Variants in XIST observed in about 807,000 individuals in gnomAD.
The protein encoded by XIST is X inactive specific transcript (non-protein coding).
exon 1 of XIST, chrX:73,850,578 T>TG: frequency 1.8e-6 from 1 of 543,967 alleles, no homozygotes; most frequent in Non-Finnish European, 3.3e-6. Flanking sequence ...TGGCCAACGA[T>TG]CATCTGTGAT....
At chrX:73,848,410 A>G (rs765069389) in exon 1 of XIST, 3 of 556,646 alleles carry the variant, frequency 5.4e-6, no homozygotes, top group South Asian at 4.5e-5. Flanking sequence ...TTGTGCACAT[A>G]AACTGTCCTA....
At chrX:73,828,768 T>C (rs1922318716) in intron 5 of XIST, 5 of 166,240 alleles carry the variant, frequency 3.0e-5, no homozygotes, top group Non-Finnish European at 5.7e-5. Context: ...GCAGAAATGG[T>C]GTTTTAAGCT....
chrX:73,827,416 A>G, exon 6 of XIST: 1 of 552,967 alleles, frequency 1.8e-6, no homozygotes, highest in Non-Finnish European at 3.3e-6. Flanking sequence ...AAAGGGAAGA[A>G]GCAGAGAACA....
chrX:73,829,374 T>TA (rs1569511810), intron 4 of XIST: 1 of 417,499 alleles, frequency 2.4e-6, no homozygotes, highest in Non-Finnish European at 4.2e-6. Context: ...TTTAGGTCTT[T>TA]AGAGAGAAAA....
exon 1 of XIST, chrX:73,846,041 G>C (rs1336575973): frequency 1.8e-6 from 1 of 555,260 alleles, no homozygotes; most frequent in African/African-American, 2.3e-5. Flanking sequence ...TGTGCACCTT[G>C]ATTGTCCAAA....
intron 2 of XIST, among the ~76,000 whole-genome samples, chrX:73,837,157 G>A (rs1335144376): frequency 9.0e-6 from 1 of 111,499 alleles, no homozygotes; most frequent in Non-Finnish European, 1.9e-5. Flanking sequence ...GAGAAATAAA[G>A]ACTAATTTTA....
At chrX:73,851,583 T>C (rs748086674) in exon 1 of XIST, 2 of 557,281 alleles carry the variant, frequency 3.6e-6, no homozygotes, top group East Asian at 6.5e-5. Flanking sequence ...CCTTAGTCTT[T>C]CCTAACCTTC....
exon 1 of XIST, chrX:73,843,744 C>G: frequency 1.8e-6 from 1 of 557,720 alleles, no homozygotes; most frequent in Non-Finnish European, 3.2e-6. Context: ...GTGGGCACTA[C>G]CTGCTAAAAA....
At chrX:73,847,812 G>C (rs1275037459) in exon 1 of XIST, 1 of 557,210 alleles carries the variant, frequency 1.8e-6, no homozygotes, top group East Asian at 3.3e-5. Context: ...AAAAGGGGTA[G>C]AATATAGGTT....
chrX:73,847,739 GA>G (rs1457463488), exon 1 of XIST: 5 of 557,094 alleles, frequency 9.0e-6, no homozygotes, highest in Non-Finnish European at 1.6e-5. Context: ...TGGATAATTA[GA>G]AATACACATT....
chrX:73,823,479 T>A (rs373934763), exon 6 of XIST: 22 of 518,270 alleles, frequency 4.2e-5, no homozygotes, highest in African/African-American at 1.8e-4. Flanking sequence ...AATGCCCTCA[T>A]CTCTCTTATC....
chrX:73,824,284 A>C, exon 6 of XIST: 1 of 515,655 alleles, frequency 1.9e-6, no homozygotes, highest in Non-Finnish European at 3.5e-6. Flanking sequence ...TATTCAAAAG[A>C]TAATCATTGT....
Position 73,849,514 on chromosome X carries a change from T to C in XIST, n.3210A>G, listed in dbSNP as rs772405000. On this transcript the variant is annotated non_coding_transcript_exon_variant, in exon 1 of 6. Transcript: ENST00000429829. ...AATGACAGAGAAATGGTTTCTCCTT[T>C]AAGGGCAGGGGATCGAGAAAATGAT... 8.9e-6 allele frequency: 5 copies of C among 558,740 alleles called. No homozygotes were observed. In the Admixed American group the frequency reaches 1.1e-4, roughly 12 times the overall value. The allele number at this position is 558,740 out of a possible 1,213,427, so 46.0% of individuals were successfully genotyped here.
chrX:73,851,158 T>G (rs780116230), exon 1 of XIST: 2 of 559,493 alleles, frequency 3.6e-6, no homozygotes, highest in East Asian at 6.5e-5. Context: ...TCCAGCACTG[T>G]CCATCCCACC....
intron 2 of XIST, among the ~76,000 whole-genome samples, chrX:73,835,485 T>C (rs1922465976): frequency 8.9e-6 from 1 of 112,129 alleles, no homozygotes; most frequent in Non-Finnish European, 1.9e-5. Flanking sequence ...CAAAAGAAAC[T>C]ATAATACTAT....
At chrX:73,839,324 TA>T (rs1215159124) in intron 1 of XIST, among the ~76,000 whole-genome samples, 1 of 111,507 alleles carries the variant, frequency 9.0e-6, no homozygotes, top group Non-Finnish European at 1.9e-5. Context: ...TAAGGTTTTA[TA>T]AAGGGAAAAG....
intron 2 of XIST, chrX:73,833,832 ATGGTAC>A (rs1922432420): frequency 8.8e-6 from 1 of 113,591 alleles, no homozygotes; most frequent in Non-Finnish European, 1.8e-5. Flanking sequence ...AGCACTTTGC[ATGGTAC>A]TGTATAGTAT....
chrX:73,840,924 C>T (rs192443924), intron 1 of XIST, among the ~76,000 whole-genome samples: 79 of 111,866 alleles, frequency 7.1e-4, no homozygotes, highest in African/African-American at 2.3e-3. Flanking sequence ...CCTATCTTGG[C>T]TTAAAGAGAA....
chrX:73,852,150 A>G (rs746272063), exon 1 of XIST: 5 of 530,786 alleles, frequency 9.4e-6, no homozygotes, highest in South Asian at 7.5e-5. Context: ...GGGCCAAAAA[A>G]AGAAAATTTT....
Sources: allele counts gnomAD v4.1 joint callset (sites outside exome capture counted in the v4.1 genomes callset), GRCh38; gene constraint gnomAD v4.1.1; transcripts MANE v1.5; gene names NCBI Gene and HGNC (gene_info 2026-07-23, HGNC 2026-07-21).